ANO3: variants seen among roughly 807,000 people sequenced by gnomAD.
ANO3 encodes the protein anoctamin-3.
ANO3 carries 99 observed loss-of-function variants against 144.8 expected under a neutral mutation model. The ratio of observed to expected loss-of-function variants is 0.68; its 90% confidence interval spans 0.58 to 0.81. ANO3 has a LOEUF of 0.81. Among genes scored for constraint, ANO3 ranks in the 30% least tolerant of loss-of-function variants. The pLI, the probability that ANO3 is intolerant of heterozygous loss-of-function variation, is 0.00. For synonymous variants in ANO3, 414 were observed against 392.6 expected, an observed-to-expected ratio of 1.05 and a Z score of -0.64; for missense variants, 905 against 1,202.2, an observed-to-expected ratio of 0.75 and a Z score of 3.66.
At chr11:26,454,555 T>C (rs1271666386) in intron 3 of ANO3, among the ~76,000 whole-genome samples, 1 of 151,924 alleles carries the variant, frequency 6.6e-6, no homozygotes, top group African/African-American at 2.4e-5. Context: ...AATAGACCAA[T>C]AACAGGAGCT....
intron 5 of ANO3, among the ~76,000 whole-genome samples, chr11:26,515,689 CT>C (rs1478515876): frequency 6.6e-6 from 1 of 151,860 alleles, no homozygotes; most frequent in Admixed American, 6.6e-5. Context: ...TACTCTTGAG[CT>C]TTTAAGATTC....
intron 14 of ANO3, among the ~76,000 whole-genome samples, chr11:26,577,113 T>C (rs1851006676): frequency 6.6e-6 from 1 of 152,062 alleles, no homozygotes; most frequent in African/African-American, 2.4e-5. Context: ...ACAAGAAGAG[T>C]TGGCCTTAAC....
chr11:26,418,429 A>G (rs1857655954), intron 1 of ANO3, among the ~76,000 whole-genome samples: 1 of 152,086 alleles, frequency 6.6e-6, no homozygotes, highest in African/African-American at 2.4e-5. Context: ...ATTCTGAAAC[A>G]GGGTGTAATA....
intron 3 of ANO3, among the ~76,000 whole-genome samples, chr11:26,448,129 A>G (rs1463967320): frequency 6.6e-6 from 1 of 152,054 alleles, no homozygotes; most frequent in Non-Finnish European, 1.5e-5. Flanking sequence ...GAGAAACCCC[A>G]TCTTTACTAA....
At chr11:26,511,638 A>T (rs1261988860) in intron 5 of ANO3, among the ~76,000 whole-genome samples, 1 of 152,210 alleles carries the variant, frequency 6.6e-6, no homozygotes, top group Non-Finnish European at 1.5e-5. Flanking sequence ...GCTTGCAACA[A>T]GGGCAGTGGT....
At chr11:26,565,493 C>G in intron 14 of ANO3, 1 of 1,613,290 alleles carries the variant, frequency 6.2e-7, no homozygotes, top group Non-Finnish European at 8.5e-7. Context: ...TAGGTGCATT[C>G]CAAGGCACTT....
At chr11:26,242,955 T>C (rs1398075878) in intron 1 of ANO3, among the ~76,000 whole-genome samples, 3 of 152,190 alleles carry the variant, frequency 2.0e-5, no homozygotes, top group African/African-American at 7.2e-5. Context: ...AGTGTTGATG[T>C]TTATTGTATA....
intron 1 of ANO3, among the ~76,000 whole-genome samples, chr11:26,273,643 C>T (rs1853496180): frequency 6.8e-6 from 1 of 147,610 alleles, no homozygotes; most frequent in Non-Finnish European, 1.5e-5. Flanking sequence ...CACACACACA[C>T]ACACACACAC....
At chr11:26,190,048 C>A (rs541172299) in intron 1 of ANO3, among the ~76,000 whole-genome samples, 43 of 152,122 alleles carry the variant, frequency 2.8e-4, no homozygotes, top group African/African-American at 1.0e-3. Context: ...AAAATGTTTG[C>A]CTGATGGATA....
At chr11:26,239,408 CT>C (rs1852607778) in intron 1 of ANO3, among the ~76,000 whole-genome samples, 1 of 152,114 alleles carries the variant, frequency 6.6e-6, no homozygotes, top group African/African-American at 2.4e-5. Context: ...AAGTTCTCTA[CT>C]ATTTATTGTA....
At chr11:26,275,145 A>G (rs1853529468) in intron 1 of ANO3, among the ~76,000 whole-genome samples, 2 of 151,978 alleles carry the variant, frequency 1.3e-5, no homozygotes, top group African/African-American at 2.4e-5. Context: ...CTTTATTCAC[A>G]TATTTGTGGG....
At chr11:26,531,486 A>C in intron 8 of ANO3, 150 bp downstream of exon 8, 1 of 893,136 alleles carries the variant, frequency 1.1e-6, no homozygotes. Context: ...CTTATAAACA[A>C]CACTAAGTGA....
At chr11:26,424,977 T>C (rs147744252) in intron 1 of ANO3, among the ~76,000 whole-genome samples, 7,990 of 152,098 alleles carry the variant, frequency 0.053, 249 homozygotes, top group African/African-American at 0.081. Flanking sequence ...CATGTTGATG[T>C]GCTGCACCCA....
At chr11:26,659,276 T>C (rs1468027320) in intron 26 of ANO3, among the ~76,000 whole-genome samples, 1 of 152,098 alleles carries the variant, frequency 6.6e-6, no homozygotes, top group Non-Finnish European at 1.5e-5. Context: ...TTAAAACAGC[T>C]AATAAGCATA....
chr11:26,373,642 A>C (rs377579049), intron 1 of ANO3, among the ~76,000 whole-genome samples: 29 of 152,214 alleles, frequency 1.9e-4, no homozygotes, highest in Non-Finnish European at 4.0e-4. Context: ...GTGATCCTCA[A>C]CAAGTTGCAG....
At chr11:26,275,029 A>G (rs1458963208) in intron 1 of ANO3, among the ~76,000 whole-genome samples, 1 of 151,980 alleles carries the variant, frequency 6.6e-6, no homozygotes, top group Non-Finnish European at 1.5e-5. Context: ...AAAATGCTAT[A>G]ATTTATCTTT....
At chr11:26,337,895 A>C (rs1237411694) in intron 1 of ANO3, among the ~76,000 whole-genome samples, 1 of 152,108 alleles carries the variant, frequency 6.6e-6, no homozygotes, top group Non-Finnish European at 1.5e-5. Context: ...AGATTGCACC[A>C]CTGCACTTCA....
At chr11:26,348,429 C>G (rs560668754) in intron 1 of ANO3, among the ~76,000 whole-genome samples, 294 of 152,180 alleles carry the variant, frequency 1.9e-3, no homozygotes, top group Non-Finnish European at 3.1e-3. Flanking sequence ...GCCTGGGTAT[C>G]GATAATGGGC....
At chr11:26,283,802 A>T (rs1853739262) in intron 1 of ANO3, among the ~76,000 whole-genome samples, 1 of 152,204 alleles carries the variant, frequency 6.6e-6, no homozygotes, top group South Asian at 2.1e-4. Flanking sequence ...CACCAAACAT[A>T]TAACTGCAAA....
Sources: gnomAD v4.1 joint callset for allele counts (sites outside exome capture counted in the v4.1 genomes callset) on GRCh38, gnomAD v4.1.1 for gene constraint, MANE v1.5 for transcripts, NCBI Gene and HGNC (gene_info 2026-07-23, HGNC 2026-07-21) for gene names.